Variants in SERTM1 observed in about 807,000 individuals in gnomAD.
The protein encoded by SERTM1 is serine-rich and transmembrane domain-containing protein 1.
A neutral mutation model predicts 5.5 loss-of-function variants in SERTM1; 1 was observed. The observed-to-expected ratio is 0.18, with a 90% CI of 0.06 to 0.86. The LOEUF is 0.86. SERTM1 is among the 40% of genes least tolerant of loss of function. The pLI is 0.69. For missense variants in SERTM1, 91 were observed against 122.4 expected, an observed-to-expected ratio of 0.74 and a Z score of 1.21; for synonymous variants, 52 against 55.1, an observed-to-expected ratio of 0.94 and a Z score of 0.25.
intron 1 of SERTM1, among the ~76,000 whole-genome samples, chr13:36,688,828 G>A (rs1466717229): frequency 6.6e-6 from 1 of 152,118 alleles, no homozygotes; most frequent in Admixed American, 6.5e-5. Flanking sequence ...TGTCAATCAA[G>A]TGTATAGCCA....
At chr13:36,684,038 C>T (rs961935559) in intron 1 of SERTM1, among the ~76,000 whole-genome samples, 1 of 152,186 alleles carries the variant, frequency 6.6e-6, no homozygotes, top group Non-Finnish European at 1.5e-5. Flanking sequence ...TGGCTTACGC[C>T]TGTAATCCCA....
At chr13:36,682,010 A>C (rs1465228869) in intron 1 of SERTM1, among the ~76,000 whole-genome samples, 2 of 152,222 alleles carry the variant, frequency 1.3e-5, no homozygotes, top group Admixed American at 1.3e-4. Context: ...AGAAACTATT[A>C]ATTTTATTGC....
chr13:36,695,130 A>T lies in SERTM1; in HGVS notation c.52A>T (p.Thr18Ser), dbSNP rs766381841. 6.2e-7 allele frequency: 1 copy of T among 1,614,178 alleles called. No individual in the cohort carries two copies. Among genetic ancestry groups the T allele is most frequent in the Admixed American group, 1.7e-5 (1 of 60,014 alleles). Residue 18 changes from threonine (T) to serine (S), a missense_variant, in exon 2 of 2, where the codon ACT (threonine) becomes TCT (serine). Transcript: ENST00000315190. The part of the protein sequence containing the change: ...SGFSGSVENG[T>S]FLELFPTSLS... ...ATTTTCGGGAAGTGTGGAGAATGGA[A>T]CTTTTCTTGAGCTGTTTCCCACATC... is the stretch of plus-strand genomic sequence containing the variant.
At chr13:36,675,304 T>TG (rs1350065990) in intron 1 of SERTM1, among the ~76,000 whole-genome samples, 1 of 152,174 alleles carries the variant, frequency 6.6e-6, no homozygotes, top group African/African-American at 2.4e-5. Context: ...GCACTACAGG[T>TG]GCAAAGGGCG....
At chr13:36,688,576 T>C (rs1003782846) in intron 1 of SERTM1, among the ~76,000 whole-genome samples, 1 of 152,214 alleles carries the variant, frequency 6.6e-6, no homozygotes, top group Non-Finnish European at 1.5e-5. Flanking sequence ...ACTTTACTAA[T>C]GCCATGATTT....
chr13:36,693,854 T>C (rs1328190477), intron 1 of SERTM1, among the ~76,000 whole-genome samples: 1 of 152,144 alleles, frequency 6.6e-6, no homozygotes, highest in Non-Finnish European at 1.5e-5. Context: ...AGGAAGAGCA[T>C]CTTTTCTGGA....
chr13:36,682,121 A>T (rs936013242), intron 1 of SERTM1, among the ~76,000 whole-genome samples: 1 of 152,230 alleles, frequency 6.6e-6, no homozygotes, highest in Non-Finnish European at 1.5e-5. Context: ...TTTACACAAG[A>T]TCATTTATTC....
chr13:36,688,325 C>T lies in SERTM1; in HGVS notation c.-173-6581C>T, dbSNP rs1225087522. The stretch of plus-strand genomic sequence containing the variant: ...ACCTCCCAGGCTCAAGCAATGCTCC[C>T]ACCTCAGCCTCCAAGTAACTGGGAC... On this transcript the variant is annotated intron_variant, in intron 1 of 1. Transcript: ENST00000315190. Among the ~76,000 whole-genome samples, 4 of 152,126 alleles carry T rather than the reference C, an allele frequency of 2.6e-5. No individual in the cohort carries two copies. The East Asian group carries it at 7.7e-4, about 29-fold the overall frequency.
In SERTM1 at chr13:36,697,511, G is replaced by C. The variant is rs1351184137; in HGVS notation, c.*2109G>C. ...AAAAGGACAAATTTGCCACACAACAGAACAATCTGAGTATGATCTGTCCTC... is the reference window on the plus strand; with the variant it reads ...AAAAGGACAAATTTGCCACACAACACAACAATCTGAGTATGATCTGTCCTC... On this transcript the variant is annotated 3_prime_UTR_variant, in exon 2 of 2. Transcript: ENST00000315190. 1 of 166,434 alleles carries C rather than the reference G, an allele frequency of 6.0e-6. No homozygotes were observed. Among genetic ancestry groups the C allele is most frequent in the Non-Finnish European group, 1.5e-5 (1 of 68,012 alleles). The allele number at this position is 166,434 out of a possible 1,614,324, so 10.3% of individuals were successfully genotyped here. A position where few individuals can be genotyped will look rare whatever the true frequency, so the allele number is the denominator to read the frequency against.
chr13:36,680,378 C>T (rs2056697202), intron 1 of SERTM1, among the ~76,000 whole-genome samples: 2 of 152,122 alleles, frequency 1.3e-5, no homozygotes, highest in Admixed American at 6.5e-5. Flanking sequence ...CTGCTTGGCA[C>T]ATATTTTGAT....
At position 36,694,972 on chromosome 13, in the gene SERTM1, G is replaced by A. The variant is rs1378633080; in HGVS notation, c.-107G>A. ...TTTTGTTGTGCTGATTTAACAGCCT[G>A]TGAATTCTGCAAACACGATCGTGAA... On this transcript the variant is annotated 5_prime_UTR_variant, in exon 2 of 2. It adds an upstream start codon to the 5' untranslated region. Transcript: ENST00000315190. 4 of 798,812 alleles carry A rather than the reference G, an allele frequency of 5.0e-6. No individual in the cohort carries two copies. The African/African-American group carries it at 5.2e-5, about 10-fold the overall frequency. 49.5% of individuals were successfully genotyped at this position (798,812 alleles called of 1,614,324 possible).
intron 1 of SERTM1, among the ~76,000 whole-genome samples, chr13:36,688,404 G>A (rs975407004): frequency 2.0e-5 from 3 of 151,998 alleles, no homozygotes; most frequent in Admixed American, 6.6e-5. Context: ...GTAGAGATAG[G>A]TTTTCTTCAT....
Position 36,695,447 on chromosome 13 carries a change from C to T in SERTM1, c.*45C>T, listed in dbSNP as rs2056807192. On this transcript the variant is annotated 3_prime_UTR_variant, in exon 2 of 2. Coordinates refer to ENST00000315190, the MANE Select transcript of SERTM1 (RefSeq NM_203451.3). ...GAGTGTGGCAGCAGTTTTGACATCC[C>T]CTTACGGAAGTGTCCCGTGAGGCAT... 6.8e-7 allele frequency: 1 copy of T among 1,462,212 alleles called. No homozygotes were observed. The highest frequency in any genetic ancestry group is 1.4e-5 in the African/African-American group (1 of 71,336). The allele number at this position is 1,462,212 out of a possible 1,614,324, so 90.6% of individuals were successfully genotyped here.
chr13:36,691,966 C>T (rs750129495), intron 1 of SERTM1, among the ~76,000 whole-genome samples: 8 of 152,214 alleles, frequency 5.3e-5, no homozygotes, highest in Admixed American at 2.6e-4. Flanking sequence ...AATAAGGAAA[C>T]GAGAATTAAC....
chr13:36,694,106 T>C (rs969624739), intron 1 of SERTM1, among the ~76,000 whole-genome samples: 2 of 152,170 alleles, frequency 1.3e-5, no homozygotes, highest in Non-Finnish European at 2.9e-5. Flanking sequence ...GGTCAGTGCA[T>C]AACACCATGG....
intron 1 of SERTM1, among the ~76,000 whole-genome samples, chr13:36,691,846 C>T (rs1015125576): frequency 6.6e-6 from 1 of 152,192 alleles, no homozygotes; most frequent in African/African-American, 2.4e-5. Flanking sequence ...CAGCCTGTTT[C>T]CACACTGTCA....
chr13:36,690,371 G>A (rs2056770258), intron 1 of SERTM1, among the ~76,000 whole-genome samples: 1 of 152,214 alleles, frequency 6.6e-6, no homozygotes, highest in African/African-American at 2.4e-5. Flanking sequence ...GGATGGCTGA[G>A]TCAGCTTTGA....
At chr13:36,691,283 A>T (rs1033117486) in intron 1 of SERTM1, among the ~76,000 whole-genome samples, 2 of 152,162 alleles carry the variant, frequency 1.3e-5, no homozygotes, top group Non-Finnish European at 2.9e-5. Context: ...TATAGTCCTC[A>T]TAATCCTTCC....
rs767466065 is a variant in SERTM1 at position 36,695,251 on chromosome 13, T to C, written c.173T>C (p.Leu58Pro). The C allele has an allele frequency of 8.1e-6, 13 of 1,614,060 alleles. No homozygotes were observed. Among genetic ancestry groups the C allele is most frequent in the Non-Finnish European group, 1.1e-5 (13 of 1,180,042 alleles). ...FLSLLAFLLL[L>P]LIIALQRLKN... Reference sequence around the variant, plus strand: ...AGCCTTTTAGCGTTTCTGCTTCTGCTTTTAATCATTGCCCTCCAGAGGCTC... The same window carrying C: ...AGCCTTTTAGCGTTTCTGCTTCTGCCTTTAATCATTGCCCTCCAGAGGCTC... Residue 58 changes from leucine (L) to proline (P), a missense_variant, in exon 2 of 2, where the codon CTT becomes CCT. Leu to Pro is a moderately conservative substitution (Grantham distance 98). Coordinates refer to ENST00000315190, the MANE Select transcript of SERTM1 (RefSeq NM_203451.3).
Sources: gnomAD v4.1 joint callset for allele counts (sites outside exome capture counted in the v4.1 genomes callset) on GRCh38, gnomAD v4.1.1 for gene constraint, MANE v1.5 for transcripts, NCBI Gene and HGNC (gene_info 2026-07-23, HGNC 2026-07-21) for gene names.